GSE1: variants seen among roughly 807,000 people sequenced by gnomAD.
The protein encoded by GSE1 is genetic suppressor element 1.
A neutral mutation model predicts 112.6 loss-of-function variants in GSE1; 32 were observed. That is an observed-to-expected ratio of 0.28 (90% confidence interval 0.21 to 0.38). GSE1 has a LOEUF of 0.38. Ranked by LOEUF, GSE1 falls within the 10% of genes least tolerant of loss-of-function variation. The pLI, the probability that GSE1 is intolerant of heterozygous loss-of-function variation, is 1.00. For missense variants in GSE1, 2,348 were observed against 1,699.2 expected, an observed-to-expected ratio of 1.38 and a Z score of -6.71; for synonymous variants, 1,115 against 735.6, an observed-to-expected ratio of 1.52 and a Z score of -8.35.
intron 1 of GSE1, among the ~76,000 whole-genome samples, chr16:85,596,464 C>T (rs922694071): frequency 7.2e-5 from 11 of 152,290 alleles, no homozygotes; most frequent in East Asian, 5.8e-4. Context: ...AGGAAGATTC[C>T]GCCTTCAGGT....
upstream of GSE1, among the ~76,000 whole-genome samples, chr16:85,606,519 G>A (rs183604393): frequency 1.6e-3 from 248 of 152,326 alleles, no homozygotes; most frequent in Admixed American, 3.2e-3. Context: ...CTGGCAGAAC[G>A]TCTCCTTGCC....
At chr16:85,398,299 A>G (rs1482553475) in intron 2 of GSE1, among the ~76,000 whole-genome samples, 1 of 152,206 alleles carries the variant, frequency 6.6e-6, no homozygotes, top group Non-Finnish European at 1.5e-5. Context: ...TTGCAGTGGC[A>G]AAACCTGGGA....
rs143041206 is a variant in GSE1 at position 85,667,979 on chromosome 16, G to A, written c.3131-161G>A. 5.2e-3 allele frequency among the ~76,000 whole-genome samples: 798 copies of A among 152,296 alleles called. 4 individuals are homozygous for A. The highest frequency in any genetic ancestry group is 0.019 in the South Asian group (90 of 4,810). ...TCGGACTTTCTCAAGTGGCCCAGAG[G>A]CCTTGGGCTAGGTCCCTCCTCTCTA... On this transcript the variant is annotated intron_variant, in intron 13 of 15. Coordinates refer to ENST00000253458, the MANE Select transcript of GSE1 (RefSeq NM_014615.5).
intron 1 of GSE1, among the ~76,000 whole-genome samples, chr16:85,579,574 G>C (rs1438159112): frequency 6.6e-6 from 1 of 152,224 alleles, no homozygotes; most frequent in Non-Finnish European, 1.5e-5. Context: ...AGGGCCAGCA[G>C]GGTCGATCCT....
intron 2 of GSE1, among the ~76,000 whole-genome samples, chr16:85,483,061 C>A (rs2050731693): frequency 6.6e-6 from 1 of 152,066 alleles, no homozygotes; most frequent in Admixed American, 6.5e-5. Flanking sequence ...AAGGACTTCA[C>A]ATGAACTTTA....
At chr16:85,375,036 G>C (rs1369868001) in intron 2 of GSE1, among the ~76,000 whole-genome samples, 1 of 152,202 alleles carries the variant, frequency 6.6e-6, no homozygotes, top group Non-Finnish European at 1.5e-5. Context: ...ACTCGCTGCT[G>C]TGTGACCTGG....
intron 2 of GSE1, among the ~76,000 whole-genome samples, chr16:85,453,518 C>T (rs1053050590): frequency 3.9e-5 from 6 of 151,996 alleles, no homozygotes; most frequent in African/African-American, 7.3e-5. Flanking sequence ...AGGAGGAGGT[C>T]GGTGGGTGGA....
intron 1 of GSE1, among the ~76,000 whole-genome samples, chr16:85,219,808 A>G (rs1001621361): frequency 2.0e-5 from 3 of 152,146 alleles, no homozygotes; most frequent in Non-Finnish European, 2.9e-5. Flanking sequence ...CTTTATGCCC[A>G]GTTTACAGAT....
intron 1 of GSE1, among the ~76,000 whole-genome samples, chr16:85,600,382 T>C (rs928572954): frequency 7.9e-5 from 12 of 151,272 alleles, no homozygotes; most frequent in African/African-American, 2.9e-4. Context: ...GCTGGGAAGA[T>C]GTCACCCAGG....
chr16:85,179,776 A>G (rs2074543872), intron 1 of GSE1, among the ~76,000 whole-genome samples: 1 of 152,182 alleles, frequency 6.6e-6, no homozygotes, highest in South Asian at 2.1e-4. Context: ...AGAATTGAGA[A>G]GGGGTTTGCA....
intron 1 of GSE1, among the ~76,000 whole-genome samples, chr16:85,253,420 G>A (rs951762398): frequency 1.3e-5 from 2 of 152,206 alleles, no homozygotes; most frequent in African/African-American, 4.8e-5. Flanking sequence ...GAAATGGGGT[G>A]GGGTCTCCAG....
chr16:85,398,038 A>G (rs964379468), intron 2 of GSE1, among the ~76,000 whole-genome samples: 1 of 152,056 alleles, frequency 6.6e-6, no homozygotes, highest in Non-Finnish European at 1.5e-5. Flanking sequence ...CTTCCAGGTG[A>G]TTCTGTGCAG....
intron 1 of GSE1, among the ~76,000 whole-genome samples, chr16:85,276,265 A>C (rs1264844750): frequency 6.6e-6 from 1 of 152,218 alleles, no homozygotes; most frequent in Non-Finnish European, 1.5e-5. Flanking sequence ...CTGTTTGAGC[A>C]CCTGACTTGA....
At chr16:85,367,808 A>G (rs567402658) in intron 2 of GSE1, among the ~76,000 whole-genome samples, 1 of 149,898 alleles carries the variant, frequency 6.7e-6, no homozygotes, top group African/African-American at 2.5e-5. Context: ...GGGAGACATG[A>G]CCAGGGGAGG....
rs1567709719 is a variant in GSE1 at position 85,357,621 on chromosome 16, C to CGGACCAGACCTTACTGGTGCAGGTAG, written c.2443_2464+4dup. On this transcript the variant is annotated frameshift_variant, in exon 2 of 3. Transcript: ENST00000637419. LOFTEE classifies it high-confidence loss of function. ...GTCTGCAGAGCAGCCGGGAGGAGGA[C>CGGACCAGACCTTACTGGTGCAGGTAG]GGACCAGACCTTACTGGTGCAGGTA... 1 of 1,288,958 alleles carries CGGACCAGACCTTACTGGTGCAGGTAG rather than the reference C, an allele frequency of 7.8e-7. No homozygotes were observed. The highest frequency in any genetic ancestry group is 1.0e-6 in the Non-Finnish European group (1 of 988,562). The allele number at this position is 1,288,958 out of a possible 1,614,324, so 79.8% of individuals were successfully genotyped here.
intron 1 of GSE1, among the ~76,000 whole-genome samples, chr16:85,624,181 C>G (rs1328295941): frequency 3.3e-5 from 5 of 152,348 alleles, no homozygotes; most frequent in African/African-American, 1.2e-4. Flanking sequence ...AGTGCCCGCC[C>G]TGGGGTGGGG....
intron 2 of GSE1, among the ~76,000 whole-genome samples, chr16:85,477,762 A>G (rs889595844): frequency 1.3e-5 from 2 of 151,722 alleles, no homozygotes; most frequent in Non-Finnish European, 2.9e-5. Context: ...GGGTTTCACT[A>G]TGCTGGCCAG....
chr16:85,307,896 T>C (rs898002463), intron 1 of GSE1, among the ~76,000 whole-genome samples: 1 of 152,330 alleles, frequency 6.6e-6, no homozygotes, highest in East Asian at 1.9e-4. Flanking sequence ...GGTCAGACTT[T>C]CTGTGAGTTC....
At chr16:85,202,432 G>A (rs1361661959) in intron 1 of GSE1, among the ~76,000 whole-genome samples, 1 of 152,222 alleles carries the variant, frequency 6.6e-6, no homozygotes, top group Non-Finnish European at 1.5e-5. Flanking sequence ...CGGGGGTGGG[G>A]CCCACAGGAC....
Sources: gnomAD v4.1 joint callset for allele counts (sites outside exome capture counted in the v4.1 genomes callset) on GRCh38, gnomAD v4.1.1 for gene constraint, MANE v1.5 for transcripts, NCBI Gene and HGNC (gene_info 2026-07-23, HGNC 2026-07-21) for gene names.